Variants in CELF4 observed in about 807,000 individuals in gnomAD.
CELF4 encodes the protein CUGBP Elav-like family member 4.
In CELF4, 18 loss-of-function variants were observed where a neutral mutation model predicts 59.9. That is an observed-to-expected ratio of 0.30 (90% confidence interval 0.21 to 0.45). The LOEUF (loss-of-function observed/expected upper bound fraction) is 0.45, where lower values mean the gene tolerates loss of function less well. Ranked by LOEUF, CELF4 falls within the 20% of genes least tolerant of loss-of-function variation. The probability of loss-of-function intolerance (pLI) is 1.00; values close to 1 mark genes in which losing one functional copy is unlikely to be tolerated. For synonymous variants in CELF4, 261 were observed against 267.1 expected (o/e 0.98, Z 0.22); for missense variants, 456 against 689.0 (o/e 0.66, Z 3.79).
chr18:37,549,039 AG>A (rs942598939), intron 1 of CELF4, among the ~76,000 whole-genome samples: 1 of 152,192 alleles, frequency 6.6e-6, no homozygotes, highest in African/African-American at 2.4e-5. Context: ...CAGGAATCAG[AG>A]GGGTGACTGG....
intron 1 of CELF4, among the ~76,000 whole-genome samples, chr18:37,526,625 G>T (rs1290147565): frequency 6.6e-6 from 1 of 152,222 alleles, no homozygotes; most frequent in Non-Finnish European, 1.5e-5. Flanking sequence ...GTTGAAGGCA[G>T]CTTGCTGCAG....
Position 37,253,981 on chromosome 18 carries a change from C to T in CELF4, c.1334-43G>A, listed in dbSNP as rs371854192. 2.0e-6 allele frequency: 3 copies of T among 1,498,690 alleles called. No homozygotes were observed. The highest frequency in any genetic ancestry group is 5.5e-5 in the East Asian group (2 of 36,680). 92.8% of individuals were successfully genotyped at this position (1,498,690 alleles called of 1,614,324 possible). On this transcript the variant is annotated intron_variant, in intron 11 of 12. Transcript: ENST00000420428. The surrounding 1 kb of genome is among the most constrained non-coding windows in gnomAD (Gnocchi z 4.5). ...ACGAGGGCCTGGGTTTCCACGGGGC[C>T]GCCCGGGGCGCTGCCGGCGGGGAGG...
rs75861245 is a variant in CELF4, at chr18:37,544,485, G to C, written c.286+20871C>G. Among the ~76,000 whole-genome samples, 5 of 152,244 alleles carry C rather than the reference G, an allele frequency of 3.3e-5. No individual in the cohort carries two copies. In the East Asian group the frequency reaches 7.7e-4, roughly 24 times the overall value. On this transcript the variant is annotated intron_variant, in intron 1 of 12. Coordinates refer to ENST00000420428, the MANE Select transcript of CELF4 (RefSeq NM_020180.4). ...GAAGCTGTGTGAGGTGCTGAGCAGG[G>C]GAATGACTTCACAGCTGGGCACAGA...
intron 12 of CELF4, among the ~76,000 whole-genome samples, chr18:37,250,776 A>C (rs2065007067): frequency 6.6e-6 from 1 of 152,092 alleles, no homozygotes; most frequent in Admixed American, 6.5e-5. Flanking sequence ...CTTCTTAGCA[A>C]CCGCCTTCTA....
chr18:37,499,475 G>A (rs930343871), intron 1 of CELF4, among the ~76,000 whole-genome samples: 12 of 152,210 alleles, frequency 7.9e-5, no homozygotes, highest in African/African-American at 2.9e-4. Flanking sequence ...TGGCAGCACT[G>A]AGAGGGGACA....
At position 37,389,116 on chromosome 18, in the gene CELF4, C is replaced by G. The variant is rs181053169; in HGVS notation, c.370-67235G>C. Among the ~76,000 whole-genome samples, 205 of 152,284 alleles carry G rather than the reference C, an allele frequency of 1.3e-3. 1 individual carries two copies. The highest frequency in any genetic ancestry group is 4.7e-3 in the African/African-American group (196 of 41,550). On this transcript the variant is annotated intron_variant, in intron 2 of 12. Coordinates refer to ENST00000420428, the MANE Select transcript of CELF4 (RefSeq NM_020180.4). ...GAAACACAGAGGAAATGAGGGGTCA[C>G]TATGGTTGAGAGTTGGAGATGCACC...
chr18:37,559,258 A>G (rs562561025), intron 1 of CELF4, among the ~76,000 whole-genome samples: 1 of 152,128 alleles, frequency 6.6e-6, no homozygotes, highest in South Asian at 2.1e-4. Context: ...TGTCCCTAAC[A>G]TCATCTCCAT....
Position 37,565,381 on chromosome 18 carries a change from C to T in CELF4, c.261G>A (p.Lys87=), listed in dbSNP as rs1443116222. The T allele has an allele frequency of 6.3e-7, 1 of 1,596,192 alleles. No individual in the cohort carries two copies. Among genetic ancestry groups the T allele is most frequent in the East Asian group, 2.2e-5 (1 of 44,598 alleles). Residue 87 remains lysine, a synonymous_variant, in exon 1 of 13, where the codon AAG becomes AAA. Transcript: ENST00000420428. ...CTTTGTGCATGCCTGTGAACCTGTC[C>T]TTCAGAACCGTAAGCTCGTAGATTT... is the stretch of plus-strand genomic sequence containing the variant. ...FGKIYELTVL[K]DRFTGMHKGC... is the part of the protein sequence containing the mutation.
In CELF4 at chr18:37,353,016, T is replaced by G. The variant is rs576049387; in HGVS notation, c.370-31135A>C. 7.2e-5 allele frequency among the ~76,000 whole-genome samples: 11 copies of G among 152,036 alleles called. No homozygotes were observed. The South Asian group carries it at 2.3e-3, about 32-fold the overall frequency. On this transcript the variant is annotated intron_variant, in intron 2 of 12. Coordinates refer to ENST00000420428, the MANE Select transcript of CELF4 (RefSeq NM_020180.4). ...GTGGGCAGATCAGGAAGTCAGGAGA[T>G]CGAGACCATCCTGGCTAACACGGTG...
At chr18:37,504,861 T>A (rs2099935935) in intron 1 of CELF4, among the ~76,000 whole-genome samples, 1 of 152,214 alleles carries the variant, frequency 6.6e-6, no homozygotes, top group Non-Finnish European at 1.5e-5. Flanking sequence ...ACAGAGTAAG[T>A]CTCAGCATCT....
At chr18:37,509,230 G>A (rs942400008) in intron 1 of CELF4, among the ~76,000 whole-genome samples, 3 of 152,180 alleles carry the variant, frequency 2.0e-5, no homozygotes, top group Non-Finnish European at 4.4e-5. Flanking sequence ...ATCTATAGTA[G>A]ACTCTAGAGA....
At chr18:37,419,227 T>C (rs549554532) in intron 2 of CELF4, among the ~76,000 whole-genome samples, 4 of 152,346 alleles carry the variant, frequency 2.6e-5, no homozygotes, top group Admixed American at 1.3e-4. Context: ...TTTGATTACA[T>C]GGATTTTACA....
intron 2 of CELF4, among the ~76,000 whole-genome samples, chr18:37,481,836 C>T (rs1287184792): frequency 6.6e-6 from 1 of 152,222 alleles, no homozygotes; most frequent in African/African-American, 2.4e-5. Flanking sequence ...GTATCCTGAG[C>T]TTTGGTAGCA....
chr18:37,276,446 A>G (rs959905307), intron 3 of CELF4: 11 of 152,164 alleles, frequency 7.2e-5, no homozygotes, highest in Non-Finnish European at 7.3e-5. Context: ...ATCAGCTTCC[A>G]CTTGCCTCTG....
chr18:37,451,365 C>T lies in CELF4; in HGVS notation c.369+34160G>A, dbSNP rs550926316. Among the ~76,000 whole-genome samples, 215 of 151,854 alleles carry T rather than the reference C, an allele frequency of 1.4e-3. 1 individual carries two copies. The highest frequency in any genetic ancestry group is 2.6e-3 in the African/African-American group (109 of 41,394). On this transcript the variant is annotated intron_variant, in intron 2 of 12. Coordinates refer to ENST00000420428, the MANE Select transcript of CELF4 (RefSeq NM_020180.4). ...TTCTGTGTGTCTGTGTGTATCTGTG[C>T]GTGTGTGTATGCTGTATGTGTGCAT...
chr18:37,427,683 C>A (rs1366678396), intron 2 of CELF4, among the ~76,000 whole-genome samples: 1 of 152,214 alleles, frequency 6.6e-6, no homozygotes, highest in African/African-American at 2.4e-5. Flanking sequence ...GGCTTCCCTT[C>A]CTGCTCAAGG....
In CELF4 at chr18:37,485,513, G is replaced by A; in HGVS notation, c.369+12C>T. 7.4e-7 allele frequency: 1 copy of A among 1,349,902 alleles called. No individual in the cohort carries two copies. The highest frequency in any genetic ancestry group is 1.5e-5 in the African/African-American group (1 of 67,294). 83.6% of individuals were successfully genotyped at this position (1,349,902 alleles called of 1,614,324 possible). A position where few individuals can be genotyped will look rare whatever the true frequency, so the allele number is the denominator to read the frequency against. On this transcript the variant is annotated intron_variant, in intron 2 of 12. Transcript: ENST00000420428. The stretch of plus-strand genomic sequence containing the variant: ...CGCGTCGGCCGCTTGCGCCACGGCG[G>A]GCGCCACTTACCCCGGGCAGAGTCT...
chr18:37,361,397 G>A (rs1251512696), intron 2 of CELF4, among the ~76,000 whole-genome samples: 9 of 152,194 alleles, frequency 5.9e-5, no homozygotes, highest in Non-Finnish European at 1.3e-4. Flanking sequence ...GTTCCTCCAG[G>A]GAAGCTGGGG....
At chr18:37,386,636 A>G (rs1382731771) in intron 2 of CELF4, among the ~76,000 whole-genome samples, 1 of 152,234 alleles carries the variant, frequency 6.6e-6, no homozygotes, top group Non-Finnish European at 1.5e-5. Flanking sequence ...TAACTTGAAC[A>G]TGGTGCCATT....
Sources: allele counts gnomAD v4.1 joint callset (sites outside exome capture counted in the v4.1 genomes callset), GRCh38; gene constraint gnomAD v4.1.1; non-coding constraint Gnocchi (gnomAD v3.1); transcripts MANE v1.5; gene names NCBI Gene and HGNC (gene_info 2026-07-23, HGNC 2026-07-21).